The following BCL6 variants were observed in gnomAD, a reference collection of about 807,000 sequenced individuals.
BCL6 encodes the protein B-cell lymphoma 6 protein.
In BCL6, 7 loss-of-function variants were observed where a neutral mutation model predicts 59.5. The ratio of observed to expected loss-of-function variants is 0.12; its 90% CI spans 0.07 to 0.22. BCL6 has a LOEUF of 0.22. Ranked by LOEUF, BCL6 falls within the 10% of genes least tolerant of loss-of-function variation. The pLI, the probability that BCL6 is intolerant of heterozygous loss-of-function variation, is 1.00. For missense variants in BCL6, 685 were observed against 939.4 expected (o/e 0.73, Z 3.54); for synonymous variants, 339 against 349.7 (o/e 0.97, Z 0.34).
chr3:187,744,644 A>C (rs1711802563), intron 1 of BCL6, among the ~76,000 whole-genome samples: 1 of 152,080 alleles, frequency 6.6e-6, no homozygotes, highest in East Asian at 1.9e-4. Flanking sequence ...GTTCGGCTCG[A>C]AGGCAGGGAA....
At chr3:187,739,027 G>A (rs1158049182) in intron 1 of BCL6, among the ~76,000 whole-genome samples, 1 of 152,140 alleles carries the variant, frequency 6.6e-6, no homozygotes, top group Non-Finnish European at 1.5e-5. Flanking sequence ...GTTTGAAACC[G>A]TCAACCCCTT....
chr3:187,744,886 T>TACGCAAGCAGCA (rs1711835988), intron 1 of BCL6, among the ~76,000 whole-genome samples: 1 of 152,070 alleles, frequency 6.6e-6, no homozygotes, highest in African/African-American at 2.4e-5. Context: ...TCACAAGCCG[T>TACGCAAGCAGCA]ACGCAAGCAG....
At chr3:187,728,933 T>C (rs2108464141) in intron 5 of BCL6, 117 bp downstream of exon 5, 2 of 1,349,730 alleles carry the variant, frequency 1.5e-6, no homozygotes, top group Admixed American at 5.4e-5. Flanking sequence ...ACTCAATCTA[T>C]AGGCACTGAT....
chr3:187,744,919 A>G (rs1576885915), intron 1 of BCL6, among the ~76,000 whole-genome samples: 1 of 152,270 alleles, frequency 6.6e-6, no homozygotes, highest in Admixed American at 6.5e-5. Flanking sequence ...CGAGAGCGCG[A>G]GCGCGCGTCC....
intron 1 of BCL6, among the ~76,000 whole-genome samples, chr3:187,743,809 G>C (rs1186239768): frequency 2.3e-5 from 3 of 132,668 alleles, no homozygotes; most frequent in Non-Finnish European, 4.7e-5. Flanking sequence ...CCGGGCCGCC[G>C]CCGCCGCGCC....
chr3:187,745,200 A>T (rs1031667382), intron 1 of BCL6, among the ~76,000 whole-genome samples: 1 of 152,228 alleles, frequency 6.6e-6, no homozygotes, highest in East Asian at 1.9e-4. Context: ...TTATTTTAAC[A>T]CCTGACAGCT....
Position 187,725,465 on chromosome 3 carries a change from C to CT in BCL6, c.1839+33dup. On this transcript the variant is annotated intron_variant, in intron 8 of 9. Transcript: ENST00000406870. This position sits in a 1 kb window ranked among gnomAD's most constrained non-coding sequence, Gnocchi z 4.7. ...CCGCTCGCCTGCCCGCTCCGCTCGC[C>CT]TGCCCGCTCCGCTCGCCTGCCCACT... 2 of 1,239,700 alleles carry CT rather than the reference C, an allele frequency of 1.6e-6. No homozygotes were observed. Among genetic ancestry groups the CT allele is most frequent in the East Asian group, 2.4e-5 (1 of 42,470 alleles). 76.8% of individuals were successfully genotyped at this position (1,239,700 alleles called of 1,614,324 possible).
Position 187,721,391 on chromosome 3 carries a change from C to A in BCL6, c.*1067G>T. The A allele has an allele frequency of 4.4e-6, 1 of 225,278 alleles. No homozygotes were observed. The highest frequency in any genetic ancestry group is 8.9e-6 in the Non-Finnish European group (1 of 112,722). 14.0% of individuals were successfully genotyped at this position (225,278 alleles called of 1,614,324 possible). A position where few individuals can be genotyped will look rare whatever the true frequency, so the allele number is the denominator to read the frequency against. On this transcript the variant is annotated 3_prime_UTR_variant, in exon 10 of 10. Coordinates refer to ENST00000406870, the MANE Select transcript of BCL6 (RefSeq NM_001706.5). The surrounding 1 kb of genome is among the most constrained non-coding windows in gnomAD (Gnocchi z 4.2). The stretch of plus-strand genomic sequence containing the variant: ...TCCAGACCAAGCCAGTTTGACTTTT[C>A]AACATTTTATTCTTATATTTGTACA...
chr3:187,742,953 C>A (rs920450018), intron 1 of BCL6, among the ~76,000 whole-genome samples: 2 of 152,020 alleles, frequency 1.3e-5, no homozygotes, highest in African/African-American at 4.8e-5. Flanking sequence ...TGTTCTAGTG[C>A]CAAAGGCTCT....
chr3:187,734,948 G>A (rs1040523010), intron 1 of BCL6, 41 bp from the exon 2 acceptor site: 1 of 152,638 alleles, frequency 6.6e-6, no homozygotes, highest in Non-Finnish European at 1.5e-5. Context: ...TTGATTTAAC[G>A]AATGTAAGAT....
At position 187,730,026 on chromosome 3, in the gene BCL6, G is replaced by A. The variant is rs769674269; in HGVS notation, c.384-5C>T. 2 of 1,532,598 alleles carry A rather than the reference G, an allele frequency of 1.3e-6. No homozygotes were observed. The highest frequency in any genetic ancestry group is 1.8e-6 in the Non-Finnish European group (2 of 1,140,994). The allele number at this position is 1,532,598 out of a possible 1,614,324, so 94.9% of individuals were successfully genotyped here. On this transcript the variant is annotated splice_polypyrimidine_tract_variant and splice_region_variant and intron_variant, in intron 4 of 9. Transcript: ENST00000406870. ...GCAGAAACCATCTCTGCTTCACTGTGAAAGAAAAAAAGAGGAAAGACACCG... is the reference window on the plus strand; with the variant it reads ...GCAGAAACCATCTCTGCTTCACTGTAAAAGAAAAAAAGAGGAAAGACACCG...
chr3:187,735,404 GAAA>G (rs1293236405), intron 1 of BCL6, among the ~76,000 whole-genome samples: 1 of 152,198 alleles, frequency 6.6e-6, no homozygotes. Flanking sequence ...CACTGGCGAT[GAAA>G]CTGAGACTTA....
At chr3:187,744,119 C>T (rs112069970) in intron 1 of BCL6, among the ~76,000 whole-genome samples, 1 of 152,168 alleles carries the variant, frequency 6.6e-6, no homozygotes, top group Non-Finnish European at 1.5e-5. Flanking sequence ...AGAGCTTGCA[C>T]CATGGGAAAA....
intron 1 of BCL6, chr3:187,736,644 T>A (rs1402062559): frequency 2.0e-5 from 3 of 152,182 alleles, no homozygotes; most frequent in African/African-American, 4.8e-5. Flanking sequence ...GGCCTTGGGC[T>A]TTTCACCGTA....
In BCL6 at chr3:187,725,707, T is replaced by C; in HGVS notation, c.1709-78A>G. The stretch of plus-strand genomic sequence containing the variant: ...CTGCAGTCCGTGGCTCCTGGATTTC[T>C]AAGCAGCCTGCTCCTCCCTGAGGCC... On this transcript the variant is annotated intron_variant, in intron 7 of 9. Coordinates refer to ENST00000406870, the MANE Select transcript of BCL6 (RefSeq NM_001706.5). This position sits in a 1 kb window ranked among gnomAD's most constrained non-coding sequence, Gnocchi z 4.7. The C allele has an allele frequency of 6.4e-7, 1 of 1,563,180 alleles. No individual in the cohort carries two copies. Among genetic ancestry groups the C allele is most frequent in the Non-Finnish European group, 8.7e-7 (1 of 1,144,392 alleles).
In BCL6 at chr3:187,731,799, C is replaced by G. The variant is rs1391779185; in HGVS notation, c.293G>C (p.Arg98Pro). The G allele has an allele frequency of 6.2e-7, 1 of 1,614,152 alleles. No homozygotes were observed. The highest frequency in any genetic ancestry group is 8.5e-7 in the Non-Finnish European group (1 of 1,180,040). ...DFMYTSRLNL[R>P]EGNIMAVMAT... The stretch of plus-strand genomic sequence containing the variant: ...CATCACAGCCATGATGTTGCCCTCC[C>G]GCAAATTGAGCCGAGATGTGTACAT... Residue 98 changes from arginine to proline, a missense_variant, in exon 4 of 10, where the codon CGG becomes CCG. Coordinates refer to ENST00000406870, the MANE Select transcript of BCL6 (RefSeq NM_001706.5).
At chr3:187,733,822 T>C in intron 2 of BCL6, 119 bp from the exon 3 acceptor site, 1 of 954,724 alleles carries the variant, frequency 1.0e-6, no homozygotes, top group South Asian at 1.4e-5. Context: ...GTCCCTTGTA[T>C]TTGATCTTTG....
intron 1 of BCL6, chr3:187,736,227 G>C (rs1429731371): frequency 6.6e-6 from 1 of 152,272 alleles, no homozygotes; most frequent in Non-Finnish European, 1.5e-5. Context: ...GTGGGGACTG[G>C]AGGGAAGGAA....
Position 187,725,421 on chromosome 3 carries a change from C to T in BCL6, c.1839+78G>A, listed in dbSNP as rs561641205. On this transcript the variant is annotated intron_variant, in intron 8 of 9. Coordinates refer to ENST00000406870, the MANE Select transcript of BCL6 (RefSeq NM_001706.5). The surrounding 1 kb of genome is among the most constrained non-coding windows in gnomAD (Gnocchi z 4.7). ...CGCTCCACTTGCCTGCCCACTCCTC[C>T]GCTTGCCTGCCCACTCCTCCGCTCG... 90 of 1,576,824 alleles carry T rather than the reference C, an allele frequency of 5.7e-5. No homozygotes were observed. Among genetic ancestry groups the T allele is most frequent in the South Asian group, 1.9e-4 (17 of 87,324 alleles).
Sources: allele counts gnomAD v4.1 joint callset (sites outside exome capture counted in the v4.1 genomes callset), GRCh38; gene constraint gnomAD v4.1.1; non-coding constraint Gnocchi (gnomAD v3.1); transcripts MANE v1.5; gene names NCBI Gene and HGNC (gene_info 2026-07-23, HGNC 2026-07-21).